CLUAP1: variants seen among roughly 807,000 people sequenced by gnomAD.
CLUAP1 encodes the protein clusterin-associated protein 1.
CLUAP1 carries 50 observed loss-of-function variants against 55.0 expected under a neutral mutation model. The ratio of observed to expected loss-of-function variants is 0.91; its 90% confidence interval spans 0.72 to 1.15. The LOEUF is 1.15. Ranked by LOEUF, CLUAP1 falls within the 50% of genes most tolerant of loss-of-function variation. CLUAP1 has a pLI of 0.00. For synonymous variants in CLUAP1, 195 were observed against 175.4 expected, an observed-to-expected ratio of 1.11 and a Z score of -0.88; for missense variants, 530 against 507.6, an observed-to-expected ratio of 1.04 and a Z score of -0.42.
chr16:3,517,156 G>T (rs529326080), intron 6 of CLUAP1, among the ~76,000 whole-genome samples: 83 of 141,204 alleles, frequency 5.9e-4, no homozygotes, highest in Non-Finnish European at 9.6e-4. Context: ...ACGGAGTCTT[G>T]CTCTGTTGCC....
At position 3,519,953 on chromosome 16, in the gene CLUAP1, A is replaced by G. The variant is rs1567432654; in HGVS notation, c.630A>G (p.Glu210=). The G allele has an allele frequency of 1.2e-6, 2 of 1,613,838 alleles. No homozygotes were observed. Among genetic ancestry groups the G allele is most frequent in the Non-Finnish European group, 1.7e-6 (2 of 1,179,896 alleles). Residue 210 remains glutamate (E), a synonymous_variant, in exon 7 of 12, where the codon GAA becomes GAG. Coordinates refer to ENST00000576634, the MANE Select transcript of CLUAP1 (RefSeq NM_015041.3). The part of the protein sequence containing the change: ...KDLLNNVASD[E]ANLEAKIEKR... ...TGCTCAATAATGTGGCCTCTGATGA[A>G]GCTAATTTAGAAGCCAAAATCGAAA...
In CLUAP1 at chr16:3,523,388, A is replaced by G. The variant is rs184779919; in HGVS notation, c.855+89A>G. The stretch of plus-strand genomic sequence containing the variant: ...GGTCATTTTGTTAATATCATTGTGA[A>G]AAAAATATCAGTACATGTTTTTTCT... On this transcript the variant is annotated intron_variant, in intron 8 of 11. Coordinates refer to ENST00000576634, the MANE Select transcript of CLUAP1 (RefSeq NM_015041.3). 71 of 1,413,132 alleles carry G rather than the reference A, an allele frequency of 5.0e-5. No individual in the cohort carries two copies. The East Asian group carries it at 1.2e-3, about 23-fold the overall frequency. 87.5% of individuals were successfully genotyped at this position (1,413,132 alleles called of 1,614,324 possible). A position where few individuals can be genotyped will look rare whatever the true frequency, so the allele number is the denominator to read the frequency against.
At chr16:3,499,730 C>T (rs936271631), upstream of CLUAP1, among the ~76,000 whole-genome samples, 12 of 152,132 alleles carry the variant, frequency 7.9e-5, no homozygotes, top group African/African-American at 2.9e-4. Context: ...TGTGGCTTAT[C>T]TTTTGTTTTT....
At chr16:3,510,683 G>A (rs1207907722) in intron 4 of CLUAP1, among the ~76,000 whole-genome samples, 8 of 152,162 alleles carry the variant, frequency 5.3e-5, no homozygotes, top group African/African-American at 4.8e-5. Flanking sequence ...ACTGAGTTGA[G>A]TTCTGCATTT....
intron 2 of CLUAP1, among the ~76,000 whole-genome samples, chr16:3,505,372 C>T (rs1567422178): frequency 6.6e-6 from 1 of 151,580 alleles, no homozygotes. Context: ...CTATTAAAAA[C>T]ACAAAAAATT....
At position 3,519,837 on chromosome 16, in the gene CLUAP1, T is replaced by C. The variant is rs1029572939; in HGVS notation, c.580-66T>C. The C allele has an allele frequency of 6.6e-6, 10 of 1,506,452 alleles. No individual in the cohort carries two copies. The Admixed American group carries it at 2.3e-4, about 35-fold the overall frequency. The allele number at this position is 1,506,452 out of a possible 1,614,324, so 93.3% of individuals were successfully genotyped here. ...TTGCTATGCCTGAAGAGTTGCAAAA[T>C]TCTTCTAAGAATTAGGATGGCTGTT... On this transcript the variant is annotated intron_variant, in intron 6 of 11. Transcript: ENST00000576634.
At chr16:3,534,640 G>T (rs181736928) in intron 11 of CLUAP1, 2 of 152,522 alleles carry the variant, frequency 1.3e-5, no homozygotes, top group Admixed American at 6.5e-5. Flanking sequence ...GTCAGGTCCT[G>T]GGTCTCTCTA....
intron 2 of CLUAP1, among the ~76,000 whole-genome samples, chr16:3,505,814 A>G (rs1037883623): frequency 3.9e-5 from 6 of 152,256 alleles, no homozygotes; most frequent in Admixed American, 6.5e-5. Context: ...GTTAAGGACC[A>G]GATAATATTT....
intron 7 of CLUAP1, among the ~76,000 whole-genome samples, chr16:3,522,705 T>G (rs75591393): frequency 0.013 from 1,947 of 152,240 alleles, 50 homozygotes; most frequent in African/African-American, 0.045. Flanking sequence ...TGTGAGCCGA[T>G]GCACCCAGCC....
chr16:3,507,769 C>G (rs949444025), intron 3 of CLUAP1, among the ~76,000 whole-genome samples: 1 of 149,932 alleles, frequency 6.7e-6, no homozygotes, highest in Non-Finnish European at 1.5e-5. Context: ...GTACTGTATT[C>G]TACTTGATGT....
chr16:3,531,388 G>T (rs2038114847), intron 10 of CLUAP1, among the ~76,000 whole-genome samples: 1 of 152,156 alleles, frequency 6.6e-6, no homozygotes. Flanking sequence ...TGGGCGCAAT[G>T]GCGGGCGCCC....
upstream of CLUAP1, among the ~76,000 whole-genome samples, chr16:3,500,756 T>G (rs1470116977): frequency 6.6e-6 from 1 of 152,188 alleles, no homozygotes; most frequent in Non-Finnish European, 1.5e-5. Flanking sequence ...TAGTAGGTAC[T>G]CAGAACCTGT....
At chr16:3,520,071 T>A (rs1292881933) in intron 7 of CLUAP1, 35 bp downstream of exon 7, 3 of 1,563,658 alleles carry the variant, frequency 1.9e-6, no homozygotes, top group Non-Finnish European at 2.6e-6. Flanking sequence ...AGTAGAAAGA[T>A]GTCCTGGAAA....
chr16:3,526,365 T>C, intron 8 of CLUAP1, 47 bp from the exon 9 acceptor site: 1 of 1,354,440 alleles, frequency 7.4e-7, no homozygotes. Flanking sequence ...AATAGAACAG[T>C]CCAGAAAAGG....
chr16:3,515,602 T>G lies in CLUAP1; in HGVS notation c.579+11T>G. On this transcript the variant is annotated intron_variant, in intron 6 of 11. Coordinates refer to ENST00000576634, the MANE Select transcript of CLUAP1 (RefSeq NM_015041.3). ...ATAAAAGAGATTTTGGTAAGATGAC[T>G]TTGCTTTTATATAATGTTTTTTATG... 9.6e-6 allele frequency: 15 copies of G among 1,566,332 alleles called. No homozygotes were observed. Among genetic ancestry groups the G allele is most frequent in the Non-Finnish European group, 1.2e-5 (14 of 1,155,542 alleles).
At chr16:3,522,352 C>G (rs185164696) in intron 7 of CLUAP1, among the ~76,000 whole-genome samples, 1 of 152,028 alleles carries the variant, frequency 6.6e-6, no homozygotes, top group African/African-American at 2.4e-5. Context: ...TTAGTAGAGA[C>G]GAGGTTTCAC....
chr16:3,517,097 G>A (rs868398644), intron 6 of CLUAP1, among the ~76,000 whole-genome samples: 1 of 151,614 alleles, frequency 6.6e-6, no homozygotes, highest in Non-Finnish European at 1.5e-5. Flanking sequence ...ACACAGATTC[G>A]AAGTAACTTT....
chr16:3,533,414 C>G (rs557566494), intron 11 of CLUAP1: 53 of 502,874 alleles, frequency 1.1e-4, no homozygotes, highest in South Asian at 4.5e-5. Flanking sequence ...AGGAGGACGC[C>G]GAGGGCCGGG....
chr16:3,515,935 T>A (rs1375125510), intron 6 of CLUAP1, among the ~76,000 whole-genome samples: 1 of 152,230 alleles, frequency 6.6e-6, no homozygotes, highest in East Asian at 1.9e-4. Context: ...TTTTCTAAAT[T>A]CCAGACAGCA....
Sources: allele counts gnomAD v4.1 joint callset (sites outside exome capture counted in the v4.1 genomes callset), GRCh38; gene constraint gnomAD v4.1.1; transcripts MANE v1.5; gene names NCBI Gene and HGNC (gene_info 2026-07-23, HGNC 2026-07-21).